The following CDC42 variants were observed in gnomAD, a reference collection of about 807,000 sequenced individuals.
CDC42 encodes the protein cell division cycle 42.
Under a neutral mutation model 20.8 loss-of-function variants are expected in CDC42, and 1 was observed. The ratio of observed to expected loss-of-function variants is 0.05; its 90% confidence interval spans 0.02 to 0.23. CDC42 has a LOEUF of 0.23. Ranked by LOEUF, CDC42 falls within the 10% of genes least tolerant of loss-of-function variation. The pLI is 1.00. For missense variants in CDC42, 49 were observed against 227.9 expected, an observed-to-expected ratio of 0.21 and a Z score of 5.05; for synonymous variants, 72 against 84.8, an observed-to-expected ratio of 0.85 and a Z score of 0.83.
chr1:22,069,245 G>A (rs940288004), intron 1 of CDC42, among the ~76,000 whole-genome samples: 17 of 131,914 alleles, frequency 1.3e-4, no homozygotes, highest in African/African-American at 5.0e-4. Context: ...GCACAATCAC[G>A]GCTCATTGCA....
At chr1:22,072,043 A>G (rs1645497390) in intron 1 of CDC42, among the ~76,000 whole-genome samples, 1 of 144,074 alleles carries the variant, frequency 6.9e-6, no homozygotes, top group African/African-American at 2.6e-5. Context: ...CTTAGGTTTG[A>G]TTATTAGCTA....
rs1645756229 is a variant in CDC42 at position 22,096,022 on chromosome 1, G to C, written c.*4505G>C. Among the ~76,000 whole-genome samples the C allele has an allele frequency of 6.6e-6, 1 of 151,842 alleles. No individual in the cohort carries two copies. The highest frequency in any genetic ancestry group is 2.4e-5 in the African/African-American group (1 of 41,304). On this transcript the variant is annotated 3_prime_UTR_variant, in exon 6 of 6. Transcript: ENST00000656825. ...TTGCCCGGGCTGGAGTGCAGTGGTGGCATCTCCGCTCACTGCAACCTCCAC... is the reference window on the plus strand; with the variant it reads ...TTGCCCGGGCTGGAGTGCAGTGGTGCCATCTCCGCTCACTGCAACCTCCAC...
intron 1 of CDC42, among the ~76,000 whole-genome samples, chr1:22,053,127 G>C (rs1022481588): frequency 6.6e-6 from 1 of 151,410 alleles, no homozygotes; most frequent in African/African-American, 2.4e-5. Context: ...GCGGCCGGGG[G>C]CCTCAGAGCG....
intron 1 of CDC42, among the ~76,000 whole-genome samples, chr1:22,057,765 C>G (rs1437568282): frequency 1.3e-5 from 2 of 151,774 alleles, no homozygotes; most frequent in Admixed American, 6.6e-5. Flanking sequence ...GCTCTGTCAC[C>G]CAGGCTGGAG....
chr1:22,081,168 C>CA (rs879273293), intron 2 of CDC42, among the ~76,000 whole-genome samples: 17 of 150,834 alleles, frequency 1.1e-4, no homozygotes, highest in South Asian at 6.3e-4. Context: ...GACTCTGTCT[C>CA]AAAAAAAAAC....
At chr1:22,077,652 G>T (rs1000794443) in intron 1 of CDC42, among the ~76,000 whole-genome samples, 4 of 152,012 alleles carry the variant, frequency 2.6e-5, no homozygotes, top group African/African-American at 9.7e-5. Flanking sequence ...GATTCTAAGA[G>T]ACTCAAAGAT....
rs1468735976 is a variant in CDC42, at chr1:22,094,262, TA to T, written c.*2746del. Among the ~76,000 whole-genome samples, 1 of 149,900 alleles carries T rather than the reference TA, an allele frequency of 6.7e-6. No individual in the cohort carries two copies. The highest frequency in any genetic ancestry group is 1.5e-5 in the Non-Finnish European group (1 of 67,696). Reference sequence around the variant, plus strand: ...ACGATGTTAATATATTATTGCTATTTATAAGTGTTTTACTGAACATCCTAGA... The same window carrying T: ...ACGATGTTAATATATTATTGCTATTTTAAGTGTTTTACTGAACATCCTAGA... On this transcript the variant is annotated 3_prime_UTR_variant, in exon 6 of 6. Coordinates refer to ENST00000656825, the MANE Select transcript of CDC42 (RefSeq NM_001791.4).
intron 5 of CDC42, among the ~76,000 whole-genome samples, chr1:22,088,951 A>G (rs907809286): frequency 6.6e-6 from 1 of 152,164 alleles, no homozygotes; most frequent in Non-Finnish European, 1.5e-5. Flanking sequence ...GTCTAATGTG[A>G]CATGTGGGTA....
Position 22,096,938 on chromosome 1 carries a change from A to G in CDC42, c.*5421A>G, listed in dbSNP as rs1485339760. 6.6e-6 allele frequency among the ~76,000 whole-genome samples: 1 copy of G among 152,224 alleles called. No individual in the cohort carries two copies. The highest frequency in any genetic ancestry group is 1.5e-5 in the Non-Finnish European group (1 of 68,042). On this transcript the variant is annotated 3_prime_UTR_variant, in exon 6 of 6. Coordinates refer to ENST00000656825, the MANE Select transcript of CDC42 (RefSeq NM_001791.4). ...GCACAACTTGGACAGTTCATACACA[A>G]TGTTGTATTGAGATGATTGTTATTC...
At chr1:22,083,600 G>A (rs1234374992) in intron 3 of CDC42, among the ~76,000 whole-genome samples, 2 of 151,082 alleles carry the variant, frequency 1.3e-5, no homozygotes, top group Admixed American at 6.6e-5. Context: ...GTGAGACTCC[G>A]TCTTTAAAAA....
At chr1:22,062,775 C>T (rs1479101757) in intron 1 of CDC42, among the ~76,000 whole-genome samples, 4 of 148,318 alleles carry the variant, frequency 2.7e-5, no homozygotes, top group East Asian at 4.0e-4. Flanking sequence ...AGATTTTTTC[C>T]GAACTTATCC....
intron 5 of CDC42, chr1:22,089,914 T>A (rs370470963): frequency 8.1e-6 from 13 of 1,609,394 alleles, no homozygotes; most frequent in Non-Finnish European, 1.1e-5. Flanking sequence ...ACCTGGCTGC[T>A]ATTCTCTCTC....
intron 1 of CDC42, among the ~76,000 whole-genome samples, chr1:22,070,601 C>T (rs1191522001): frequency 6.6e-6 from 1 of 151,732 alleles, no homozygotes; most frequent in Non-Finnish European, 1.5e-5. Flanking sequence ...GTAGCTGGGA[C>T]TACAGGCGTC....
chr1:22,094,294 ATTTTTTT>A lies in CDC42; in HGVS notation c.*2792_*2798del, dbSNP rs747002932. Among the ~76,000 whole-genome samples the A allele has an allele frequency of 5.1e-3, 195 of 38,302 alleles. 19 individuals are homozygous for A. The highest frequency in any genetic ancestry group is 0.021 in the African/African-American group (172 of 8,200). The allele number at this position is 38,302 out of a possible 152,430, so 25.1% of individuals were successfully genotyped here. The stretch of plus-strand genomic sequence containing the variant: ...GTTTTACTGAACATCCTAGAAATAG[ATTTTTTT>A]TTTTTTTTTTTTTTGAGACGGAGTC... On this transcript the variant is annotated 3_prime_UTR_variant, in exon 6 of 6. Coordinates refer to ENST00000656825, the MANE Select transcript of CDC42 (RefSeq NM_001791.4).
chr1:22,091,993 T>G lies in CDC42; in HGVS notation c.*476T>G, dbSNP rs1645723544. ...GTGTGGGGTTTGTTTTTTAGTCTTGTTTTTTTAATTCATTAACCAGTGGTT... is the reference window on the plus strand; with the variant it reads ...GTGTGGGGTTTGTTTTTTAGTCTTGGTTTTTTAATTCATTAACCAGTGGTT... On this transcript the variant is annotated 3_prime_UTR_variant, in exon 6 of 6. Coordinates refer to ENST00000656825, the MANE Select transcript of CDC42 (RefSeq NM_001791.4). 6.6e-6 allele frequency: 1 copy of G among 152,510 alleles called. No homozygotes were observed. Among genetic ancestry groups the G allele is most frequent in the Non-Finnish European group, 1.5e-5 (1 of 68,098 alleles). 9.4% of individuals were successfully genotyped at this position (152,510 alleles called of 1,614,324 possible).
At chr1:22,073,363 C>G (rs755105706) in intron 1 of CDC42, among the ~76,000 whole-genome samples, 1 of 151,462 alleles carries the variant, frequency 6.6e-6, no homozygotes, top group African/African-American at 2.4e-5. Flanking sequence ...GTGGCGAAAC[C>G]CCGTCTCTAC....
rs1401645606 is a variant in CDC42 at position 22,096,786 on chromosome 1, A to G, written c.*5269A>G. Among the ~76,000 whole-genome samples the G allele has an allele frequency of 2.6e-5, 4 of 152,380 alleles. No individual in the cohort carries two copies. Among genetic ancestry groups the G allele is most frequent in the Admixed American group, 2.6e-4 (4 of 15,306 alleles). Reference sequence around the variant, plus strand: ...AAAGATACTTTATGAACGACTTGTAATAATTTAGTGATTTTATTTTCCAAA... The same window carrying G: ...AAAGATACTTTATGAACGACTTGTAGTAATTTAGTGATTTTATTTTCCAAA... On this transcript the variant is annotated 3_prime_UTR_variant, in exon 6 of 6. Transcript: ENST00000656825.
intron 2 of CDC42, among the ~76,000 whole-genome samples, chr1:22,079,279 C>A (rs1454105402): frequency 6.6e-6 from 1 of 151,906 alleles, no homozygotes; most frequent in Non-Finnish European, 1.5e-5. Flanking sequence ...GCTGGGATTA[C>A]AGGCGCCCGC....
chr1:22,090,326 A>G, intron 5 of CDC42: 1 of 1,089,636 alleles, frequency 9.2e-7, no homozygotes, highest in Non-Finnish European at 1.1e-6. Flanking sequence ...GGCTTTAAGA[A>G]TGTCCTCTTG....
Sources: allele counts gnomAD v4.1 joint callset (sites outside exome capture counted in the v4.1 genomes callset), GRCh38; gene constraint gnomAD v4.1.1; transcripts MANE v1.5; gene names NCBI Gene and HGNC (gene_info 2026-07-23, HGNC 2026-07-21).